LPO: variants seen among roughly 807,000 people sequenced by gnomAD.
LPO encodes lactoperoxidase.
LPO carries 70 observed loss-of-function variants against 68.4 expected under a neutral mutation model. That is an observed-to-expected ratio of 1.02 (90% CI 0.84 to 1.25). The LOEUF (loss-of-function observed/expected upper bound fraction) is 1.25. Ranked by LOEUF, LPO falls within the 50% of genes most tolerant of loss-of-function variation. The pLI, the probability that LPO is intolerant of heterozygous loss-of-function variation, is 0.00. For synonymous variants in LPO, 360 were observed against 357.6 expected (o/e 1.01, Z -0.08); for missense variants, 873 against 908.4 (o/e 0.96, Z 0.50).
In LPO at chr17:58,252,304, C is replaced by T. The variant is rs553591992; in HGVS notation, c.903C>T (p.Thr301=). 2 of 1,614,212 alleles carry T rather than the reference C, an allele frequency of 1.2e-6. No individual in the cohort carries two copies. The highest frequency in any genetic ancestry group is 2.2e-5 in the South Asian group (2 of 91,080). ...SLAREQINAL[T]SFLDASFVYS... is the part of the protein sequence containing the mutation. The stretch of plus-strand genomic sequence containing the variant: ...CCCGAGAGCAGATCAACGCTCTGAC[C>T]TCCTTCCTGGATGCCAGCTTTGTGT... Residue 301 remains threonine, a synonymous_variant, in exon 8 of 13, where the codon ACC becomes ACT. Transcript: ENST00000262290.
chr17:58,253,039 A>T (rs1301557894), intron 8 of LPO, among the ~76,000 whole-genome samples: 1 of 150,564 alleles, frequency 6.6e-6, no homozygotes, highest in East Asian at 1.9e-4. Context: ...AAAAAAAAAA[A>T]AAAAAAAAAG....
rs1969920178 is a variant in LPO at position 58,249,658 on chromosome 17, C to T, written c.536C>T (p.Thr179Met). The T allele has an allele frequency of 2.5e-6, 4 of 1,589,302 alleles. No homozygotes were observed. The highest frequency in any genetic ancestry group is 2.7e-5 in the African/African-American group (2 of 74,188). Residue 179 changes from threonine (T) to methionine (M), a missense_variant, in exon 6 of 13, where the codon ACG (threonine) becomes ATG (methionine). Physicochemically the swap from Thr to Met is moderately conservative, Grantham distance 81 (BLOSUM62 -1). Transcript: ENST00000262290. ...EDGLSLPFGW[T>M]PGKTRNGFPL... Reference sequence around the variant, plus strand: ...GGGCTCTCCCTGCCCTTCGGCTGGACGCCGGGGAAGACGCGCAACGGCTTC... The same window carrying T: ...GGGCTCTCCCTGCCCTTCGGCTGGATGCCGGGGAAGACGCGCAACGGCTTC...
At chr17:58,252,753 G>A (rs928119131) in intron 8 of LPO, among the ~76,000 whole-genome samples, 5 of 151,620 alleles carry the variant, frequency 3.3e-5, no homozygotes, top group Non-Finnish European at 5.9e-5. Flanking sequence ...GCCAGGCTTG[G>A]TGGCTCACGC....
chr17:58,257,286 C>G (rs1254087433), intron 9 of LPO, among the ~76,000 whole-genome samples: 1 of 152,114 alleles, frequency 6.6e-6, no homozygotes, highest in Non-Finnish European at 1.5e-5. Flanking sequence ...CCCCCCACAG[C>G]CCCTCATTAC....
At position 58,267,817 on chromosome 17, in the gene LPO, G is replaced by A. The variant is rs746529670; in HGVS notation, c.1962G>A (p.Thr654=). 18 of 1,614,012 alleles carry A rather than the reference G, an allele frequency of 1.1e-5. No individual in the cohort carries two copies. The highest frequency in any genetic ancestry group is 4.5e-5 in the East Asian group (2 of 44,876). ...GGTGGGAAAACCCTGGGGTCTTCAC[G>A]AACGAGCAGAAGGACTCTCTACAGA... The part of the protein sequence containing the change: ...RFWWENPGVF[T]NEQKDSLQKM... Residue 654 remains threonine (T), a synonymous_variant, in exon 13 of 13, where the codon ACG becomes ACA. Transcript: ENST00000262290.
At chr17:58,251,877 A>G (rs530964411) in intron 7 of LPO, 1 of 650,176 alleles carries the variant, frequency 1.5e-6, no homozygotes, top group African/African-American at 1.8e-5. Flanking sequence ...ACCTGTTCCC[A>G]CCTCGTGTCC....
Position 58,247,529 on chromosome 17 carries a change from A to T in LPO, c.216A>T (p.Glu72Asp). The T allele has an allele frequency of 1.2e-6, 2 of 1,614,146 alleles. No individual in the cohort carries two copies. Among genetic ancestry groups the T allele is most frequent in the South Asian group, 2.2e-5 (2 of 91,072 alleles). ...SETPTSRQLS[E>D]YLKHAKGRTR... ...CTCCCACCAGCCGACAGCTCTCAGA[A>T]TACCTCAAGCATGCCAAAGGCCGGA... The change falls in exon 4 of 13, where the codon GAA (glutamate) becomes GAT (aspartate). Residue 72 changes from glutamate to aspartate, a missense_variant. Coordinates refer to ENST00000262290, the MANE Select transcript of LPO (RefSeq NM_006151.3).
chr17:58,263,369 T>C (rs536598169), intron 9 of LPO, among the ~76,000 whole-genome samples: 212 of 152,362 alleles, frequency 1.4e-3, no homozygotes, highest in African/African-American at 4.9e-3. Context: ...TTCTGGCTCT[T>C]GGTATTATGA....
chr17:58,268,021 C>G lies in LPO; in HGVS notation c.*27C>G. The G allele has an allele frequency of 2.0e-5, 33 of 1,610,468 alleles. No homozygotes were observed. The highest frequency in any genetic ancestry group is 2.8e-5 in the Non-Finnish European group (33 of 1,178,462). ...GGCCCGCGCTGCACAGGAAAGTTCC[C>G]TTTGGTCCACAGGGCCATTTCAAGC... On this transcript the variant is annotated 3_prime_UTR_variant, in exon 13 of 13. Coordinates refer to ENST00000262290, the MANE Select transcript of LPO (RefSeq NM_006151.3).
chr17:58,264,238 T>C (rs1465908096), intron 9 of LPO, among the ~76,000 whole-genome samples: 1 of 152,246 alleles, frequency 6.6e-6, no homozygotes, highest in Non-Finnish European at 1.5e-5. Flanking sequence ...TTTGTGTTAG[T>C]TCATTGTGTT....
At chr17:58,257,925 G>C (rs868616775) in intron 9 of LPO, among the ~76,000 whole-genome samples, 1 of 152,156 alleles carries the variant, frequency 6.6e-6, no homozygotes. Flanking sequence ...TTTGCCATTT[G>C]TATGTCTTCT....
rs1341897067 is a variant in LPO at position 58,255,113 on chromosome 17, G to C, written c.1266+142G>C. On this transcript the variant is annotated intron_variant, in intron 9 of 12. Transcript: ENST00000262290. ...CCGGCCCCTCTGCTGCTTCTCTCTT[G>C]TTGTCTCATTCTTTGAAATCCCCTT... 8.0e-6 allele frequency: 6 copies of C among 751,716 alleles called. No individual in the cohort carries two copies. The African/African-American group carries it at 1.1e-4, about 13-fold the overall frequency. The allele number at this position is 751,716 out of a possible 1,614,324, so 46.6% of individuals were successfully genotyped here.
At chr17:58,260,974 A>G (rs1970164224) in intron 9 of LPO, among the ~76,000 whole-genome samples, 3 of 152,150 alleles carry the variant, frequency 2.0e-5, no homozygotes, top group Admixed American at 2.0e-4. Flanking sequence ...GTTTGATTCC[A>G]TCATGATCAG....
At chr17:58,255,622 G>A (rs1326403959) in intron 9 of LPO, among the ~76,000 whole-genome samples, 1 of 152,168 alleles carries the variant, frequency 6.6e-6, no homozygotes, top group Non-Finnish European at 1.5e-5. Context: ...CCAGGAGTGG[G>A]AGCCAGGCGG....
intron 1 of LPO, chr17:58,242,746 T>C (rs1969780064): frequency 2.1e-6 from 1 of 477,820 alleles, no homozygotes; most frequent in Non-Finnish European, 3.7e-6. Flanking sequence ...CCTTAGATCC[T>C]GAAGCCTGAG....
chr17:58,262,546 C>T (rs1232616759), intron 9 of LPO, among the ~76,000 whole-genome samples: 1 of 152,168 alleles, frequency 6.6e-6, no homozygotes, highest in Non-Finnish European at 1.5e-5. Flanking sequence ...CTCACCACCA[C>T]ACCTGGATAA....
rs1345043767 is a variant in LPO at position 58,254,819 on chromosome 17, C to T, written c.1114C>T (p.Arg372Ter). The change falls in exon 9 of 13, where the codon CGA becomes TGA. Residue 372 changes from arginine (R) to a stop codon, truncating the protein, a stop_gained. Coordinates refer to ENST00000262290, the MANE Select transcript of LPO (RefSeq NM_006151.3). LOFTEE classifies it high-confidence loss of function. The part of the protein sequence containing the change: ...RVPCFLAGDS[R>*]ASEHILLATS... ...GCCTTCTGGGCTTTCAGGAGATTCTCGAGCCTCAGAGCATATTCTGCTGGC... is the reference window on the plus strand; with the variant it reads ...GCCTTCTGGGCTTTCAGGAGATTCTTGAGCCTCAGAGCATATTCTGCTGGC... 1 of 1,613,706 alleles carries T rather than the reference C, an allele frequency of 6.2e-7. No individual in the cohort carries two copies. Among genetic ancestry groups the T allele is most frequent in the Non-Finnish European group, 8.5e-7 (1 of 1,179,888 alleles).
intron 3 of LPO, among the ~76,000 whole-genome samples, chr17:58,245,136 T>C (rs1050660723): frequency 6.6e-6 from 1 of 152,160 alleles, no homozygotes; most frequent in Non-Finnish European, 1.5e-5. Context: ...ATCTCAGGAA[T>C]TAAAGTGTCA....
intron 9 of LPO, among the ~76,000 whole-genome samples, chr17:58,264,282 C>T (rs1460561316): frequency 6.6e-6 from 1 of 152,044 alleles, no homozygotes; most frequent in African/African-American, 2.4e-5. Context: ...CCAGTCTTTC[C>T]ATTCTTCTGT....
Sources: gnomAD v4.1 joint callset for allele counts (sites outside exome capture counted in the v4.1 genomes callset) on GRCh38, gnomAD v4.1.1 for gene constraint, MANE v1.5 for transcripts, NCBI Gene and HGNC (gene_info 2026-07-23, HGNC 2026-07-21) for gene names.